Variants in NRG1 observed in about 807,000 individuals in gnomAD.
NRG1 encodes pro-neuregulin-1, membrane-bound isoform.
Under a neutral mutation model 63.8 loss-of-function variants are expected in NRG1, and 18 were observed. That is an observed-to-expected ratio of 0.28 (90% CI 0.19 to 0.42). NRG1 has a LOEUF of 0.42. Ranked by LOEUF, NRG1 falls within the 10% of genes least tolerant of loss-of-function variation. NRG1 has a pLI of 1.00. For synonymous variants in NRG1, 302 were observed against 301.3 expected, an observed-to-expected ratio of 1.00 and a Z score of -0.02; for missense variants, 762 against 814.7, an observed-to-expected ratio of 0.94 and a Z score of 0.79.
chr8:32,614,821 C>T (rs1847043613), intron 4 of NRG1, among the ~76,000 whole-genome samples: 1 of 152,060 alleles, frequency 6.6e-6, no homozygotes, highest in Middle Eastern at 3.2e-3. Flanking sequence ...AACTTAATGA[C>T]ATTAAGCAAG....
chr8:32,163,666 A>G, intron 1 of NRG1, among the ~76,000 whole-genome samples: 1 of 152,304 alleles, frequency 6.6e-6, no homozygotes, highest in South Asian at 2.1e-4. Context: ...CATAGTCTTC[A>G]ATTTATGCCT....
chr8:32,370,252 G>A (rs79646702), intron 1 of NRG1, among the ~76,000 whole-genome samples: 4,236 of 152,218 alleles, frequency 0.028, 187 homozygotes, highest in African/African-American at 0.096. Context: ...ACAAGCTCAG[G>A]GAAGTCATAT....
chr8:32,419,848 A>T, intron 1 of NRG1, among the ~76,000 whole-genome samples: 1 of 152,166 alleles, frequency 6.6e-6, no homozygotes, highest in Non-Finnish European at 1.5e-5. Context: ...GCAAAGTGAA[A>T]CATTGTCTGT....
exon 2 of NRG1, chr8:32,595,894 G>T (rs369794181): frequency 7.4e-6 from 12 of 1,613,662 alleles, no homozygotes; most frequent in Admixed American, 3.3e-5. Flanking sequence ...CTAGTCCTTC[G>T]GTGTGAAACC....
chr8:32,078,413 C>A (rs1229165960), intron 1 of NRG1, among the ~76,000 whole-genome samples: 1 of 152,208 alleles, frequency 6.6e-6, no homozygotes, highest in South Asian at 2.1e-4. Context: ...GCCTTTAGAA[C>A]CATGAGCCAA....
intron 5 of NRG1, among the ~76,000 whole-genome samples, chr8:32,702,548 GC>G: frequency 6.6e-6 from 1 of 152,126 alleles, no homozygotes; most frequent in Non-Finnish European, 1.5e-5. Flanking sequence ...GTGCAGTGGT[GC>G]AGTCTTGGCT....
At chr8:32,331,698 T>A (rs1802676059) in intron 1 of NRG1, among the ~76,000 whole-genome samples, 1 of 152,132 alleles carries the variant, frequency 6.6e-6, no homozygotes, top group Non-Finnish European at 1.5e-5. Flanking sequence ...GAAGTGTGAG[T>A]AACAAGTTAG....
At chr8:32,265,520 GA>G (rs1285147898) in intron 1 of NRG1, among the ~76,000 whole-genome samples, 7 of 151,252 alleles carry the variant, frequency 4.6e-5, no homozygotes, top group Admixed American at 6.6e-5. Context: ...AAAATATTCA[GA>G]AAAAAAAATT....
intron 1 of NRG1, among the ~76,000 whole-genome samples, chr8:32,198,963 T>C (rs976634117): frequency 6.6e-6 from 1 of 152,068 alleles, no homozygotes. Flanking sequence ...CCTTTCAATA[T>C]TATGCTACTT....
intron 1 of NRG1, among the ~76,000 whole-genome samples, chr8:32,378,062 C>G (rs1254249006): frequency 6.6e-6 from 1 of 152,106 alleles, no homozygotes; most frequent in East Asian, 1.9e-4. Flanking sequence ...TGTGCCCACC[C>G]AGAGGAGGGC....
intron 1 of NRG1, among the ~76,000 whole-genome samples, chr8:32,553,688 T>C (rs1834574239): frequency 6.6e-6 from 1 of 152,152 alleles, no homozygotes; most frequent in Non-Finnish European, 1.5e-5. Context: ...TAATCTTCTC[T>C]TTTGGGACTC....
intron 1 of NRG1, among the ~76,000 whole-genome samples, chr8:31,966,754 G>T (rs931240775): frequency 1.3e-5 from 2 of 152,080 alleles, no homozygotes; most frequent in African/African-American, 4.8e-5. Context: ...AGTAATACAG[G>T]TAGGCCATTA....
chr8:32,761,559 GAATTTTATTT>G (rs1382259486), intron 11 of NRG1, among the ~76,000 whole-genome samples: 1 of 118,458 alleles, frequency 8.4e-6, no homozygotes, highest in East Asian at 2.4e-4. Flanking sequence ...CAAGTCCGCT[GAATTTTATTT>G]TATTTTATTT....
intron 2 of NRG1, among the ~76,000 whole-genome samples, chr8:32,596,523 C>T (rs750179216): frequency 1.3e-5 from 2 of 151,472 alleles, no homozygotes; most frequent in Non-Finnish European, 2.9e-5. Context: ...TCACTTGAAC[C>T]CGGGAGGTGG....
At chr8:32,310,717 G>A (rs1856724394) in intron 1 of NRG1, among the ~76,000 whole-genome samples, 1 of 152,170 alleles carries the variant, frequency 6.6e-6, no homozygotes, top group Admixed American at 6.5e-5. Context: ...CTTGATTCTG[G>A]GGACTGGCTA....
intron 1 of NRG1, among the ~76,000 whole-genome samples, chr8:31,855,627 T>C (rs1331822297): frequency 2.0e-5 from 3 of 152,338 alleles, no homozygotes; most frequent in African/African-American, 7.2e-5. Flanking sequence ...AAGTTAATAT[T>C]GTTATGTGTG....
chr8:32,596,599 C>CAAAA (rs5890663), intron 2 of NRG1, among the ~76,000 whole-genome samples: 1 of 139,212 alleles, frequency 7.2e-6, no homozygotes, highest in Admixed American at 7.2e-5. Context: ...GACTCCATCT[C>CAAAA]AAAAAAAAAA....
chr8:32,269,620 A>G (rs1034906986), intron 1 of NRG1, among the ~76,000 whole-genome samples: 30 of 152,286 alleles, frequency 2.0e-4, no homozygotes, highest in Admixed American at 9.2e-4. Flanking sequence ...GGGAAGGGAG[A>G]AGAGCTCTCT....
chr8:31,824,125 G>A (rs976618139), intron 1 of NRG1, among the ~76,000 whole-genome samples: 37 of 151,206 alleles, frequency 2.4e-4, no homozygotes, highest in South Asian at 1.3e-3. Context: ...CCATTAACTC[G>A]TCATTTACAT....
Sources: allele counts gnomAD v4.1 joint callset (sites outside exome capture counted in the v4.1 genomes callset), GRCh38; gene constraint gnomAD v4.1.1; transcripts MANE v1.5; gene names NCBI Gene and HGNC (gene_info 2026-07-23, HGNC 2026-07-21).